The following WDR18 variants were observed in gnomAD, a reference collection of about 807,000 sequenced individuals.
WDR18 encodes WD repeat domain 18.
In WDR18, 33 loss-of-function variants were observed where a neutral mutation model predicts 49.6. The ratio of observed to expected loss-of-function variants is 0.67; its 90% CI spans 0.50 to 0.89. The LOEUF (loss-of-function observed/expected upper bound fraction) is 0.89, where lower values mean the gene tolerates loss of function less well. WDR18 is among the 40% of genes least tolerant of loss of function. The probability of loss-of-function intolerance (pLI) is 0.00; values close to 1 mark genes in which losing one functional copy is unlikely to be tolerated. For missense variants in WDR18, 653 were observed against 593.6 expected (o/e 1.10, Z -1.04); for synonymous variants, 315 against 263.6 (o/e 1.19, Z -1.89).
At chr19:989,236 C>CA (rs1646654279) in intron 2 of WDR18, among the ~76,000 whole-genome samples, 1 of 151,318 alleles carries the variant, frequency 6.6e-6, no homozygotes, top group African/African-American at 2.4e-5. Context: ...CAACCCCCAC[C>CA]AGAGCATCTC....
chr19:990,874 A>C lies in WDR18; in HGVS notation c.620A>C (p.Glu207Ala), dbSNP rs2080667014. Residue 207 changes from glutamate (E) to alanine (A), a missense_variant, in exon 5 of 10, where the codon GAG (glutamate) becomes GCG (alanine). Glu to Ala is a moderately radical substitution (Grantham distance 107, BLOSUM62 -1). Coordinates refer to ENST00000585809, the MANE Select transcript of WDR18 (RefSeq NM_024100.4). Reference sequence around the variant, plus strand: ...CAGCTATGGGAGGTCTCCTCGGGGGAGCTGCTGCTCTCCGTCCTCTTTGAC... The same window carrying C: ...CAGCTATGGGAGGTCTCCTCGGGGGCGCTGCTGCTCTCCGTCCTCTTTGAC... ...TVKLWEVSSG[E>A]LLLSVLFDVS... 6.2e-7 allele frequency: 1 copy of C among 1,610,642 alleles called. No individual in the cohort carries two copies. Among genetic ancestry groups the C allele is most frequent in the African/African-American group, 1.3e-5 (1 of 74,856 alleles).
intron 2 of WDR18, 21 bp downstream of exon 2, chr19:985,996 G>C: frequency 6.2e-7 from 1 of 1,610,408 alleles, no homozygotes; most frequent in Non-Finnish European, 8.5e-7. Context: ...CAAAGCGTGA[G>C]CGTTTCCCAC....
chr19:985,445 C>G (rs924495587), intron 1 of WDR18, among the ~76,000 whole-genome samples: 1 of 152,226 alleles, frequency 6.6e-6, no homozygotes, highest in Admixed American at 6.5e-5. Flanking sequence ...GCTGGGATTA[C>G]AGCCGTGAGC....
At position 991,008 on chromosome 19, in the gene WDR18, G is replaced by A; in HGVS notation, c.741+13G>A. The stretch of plus-strand genomic sequence containing the variant: ...CCTCTTCACCTGGGTGAGTGCCGCG[G>A]TCTGCGGGCTGCACCCTGCCCTGGG... On this transcript the variant is annotated intron_variant, in intron 5 of 9. Coordinates refer to ENST00000585809, the MANE Select transcript of WDR18 (RefSeq NM_024100.4). 6.2e-7 allele frequency: 1 copy of A among 1,604,164 alleles called. No homozygotes were observed. Among genetic ancestry groups the A allele is most frequent in the South Asian group, 1.1e-5 (1 of 89,828 alleles).
Position 994,517 on chromosome 19 carries a change from AGTG to A in WDR18, c.*177_*179del, listed in dbSNP as rs1205468146. On this transcript the variant is annotated 3_prime_UTR_variant, in exon 10 of 10. Transcript: ENST00000585809. ...CTTGGTGTCTCGTGGCACGCGTCAC[AGTG>A]GTGCTAGTCTGTTTTTAACAAAAGA... 2 of 899,756 alleles carry A rather than the reference AGTG, an allele frequency of 2.2e-6. No homozygotes were observed. The highest frequency in any genetic ancestry group is 5.4e-5 in the East Asian group (2 of 37,086). 55.7% of individuals were successfully genotyped at this position (899,756 alleles called of 1,614,324 possible). A position where few individuals can be genotyped will look rare whatever the true frequency, so the allele number is the denominator to read the frequency against.
In WDR18 at chr19:992,135, C is replaced by T; in HGVS notation, c.1098+14C>T. 1 of 1,447,518 alleles carries T rather than the reference C, an allele frequency of 6.9e-7. No individual in the cohort carries two copies. Among genetic ancestry groups the T allele is most frequent in the Non-Finnish European group, 9.0e-7 (1 of 1,107,342 alleles). 89.7% of individuals were successfully genotyped at this position (1,447,518 alleles called of 1,614,324 possible). A position where few individuals can be genotyped will look rare whatever the true frequency, so the allele number is the denominator to read the frequency against. On this transcript the variant is annotated intron_variant, in intron 8 of 9. Coordinates refer to ENST00000585809, the MANE Select transcript of WDR18 (RefSeq NM_024100.4). ...CTCCACCAGCAGGTACGGCCCCCAG[C>T]AGGGAACCCCCACTGCCCTTTTGTC...
At position 985,939 on chromosome 19, in the gene WDR18, C is replaced by A; in HGVS notation, c.285C>A (p.Val95=). The change falls in exon 2 of 10, where the codon GTC becomes GTA. Residue 95 remains valine (V), a synonymous_variant. Transcript: ENST00000585809. ...CTGCATCACCCAATGGTCTCTACGTCCTGGCAGGAGTTGCAGAAAGCATCC... is the reference window on the plus strand; with the variant it reads ...CTGCATCACCCAATGGTCTCTACGTACTGGCAGGAGTTGCAGAAAGCATCC... ...CLTASPNGLY[V]LAGVAESIHL... The A allele has an allele frequency of 1.2e-6, 2 of 1,613,874 alleles. No individual in the cohort carries two copies. Among genetic ancestry groups the A allele is most frequent in the Middle Eastern group, 1.7e-4 (1 of 6,060 alleles).
At chr19:988,151 G>T (rs983681545) in intron 2 of WDR18, among the ~76,000 whole-genome samples, 12 of 46,316 alleles carry the variant, frequency 2.6e-4, no homozygotes, top group African/African-American at 6.7e-4. Context: ...TTTCTGACCC[G>T]TGAGCTGTGA....
intron 1 of WDR18, among the ~76,000 whole-genome samples, chr19:985,302 A>C (rs901367346): frequency 4.6e-5 from 7 of 152,128 alleles, no homozygotes; most frequent in Non-Finnish European, 1.0e-4. Flanking sequence ...AGTAGCTGCA[A>C]CTACAGGCCC....
Position 994,229 on chromosome 19 carries a change from A to G in WDR18, c.1184A>G (p.Gln395Arg), listed in dbSNP as rs1185371893. The G allele has an allele frequency of 5.6e-6, 9 of 1,605,490 alleles. No individual in the cohort carries two copies. Among genetic ancestry groups the G allele is most frequent in the Non-Finnish European group, 7.6e-6 (9 of 1,177,742 alleles). Residue 395 changes from glutamine to arginine, a missense_variant, in exon 10 of 10, where the codon CAG becomes CGG. Transcript: ENST00000585809. ...CTCCCGCAGAGCGTGCTCGGCGGCC[A>G]GGACCAGCTGCGCGTCCGTGTGACG... ...STMEKSVLGGQDQLRVRVTEL... is the reference protein window; with the variant it reads ...STMEKSVLGGRDQLRVRVTEL...
Position 984,771 on chromosome 19 carries a change from T to C in WDR18, c.210+208T>C, listed in dbSNP as rs529506147. On this transcript the variant is annotated intron_variant, in intron 1 of 9. Transcript: ENST00000585809. ...AGGCCGCTCTGCGCACGCGCGGGGCTCAGGCCTGAGCTGCTATGGGGGCAG... is the reference window on the plus strand; with the variant it reads ...AGGCCGCTCTGCGCACGCGCGGGGCCCAGGCCTGAGCTGCTATGGGGGCAG... 2.8e-3 allele frequency among the ~76,000 whole-genome samples: 411 copies of C among 144,638 alleles called. 6 individuals carry two copies. The highest frequency in any genetic ancestry group is 0.01 in the African/African-American group (393 of 38,198). The allele number at this position is 144,638 out of a possible 152,430, so 94.9% of individuals were successfully genotyped here. A position where few individuals can be genotyped will look rare whatever the true frequency, so the allele number is the denominator to read the frequency against.
intron 1 of WDR18, 23 bp from the exon 2 acceptor site, chr19:985,842 C>G (rs555535531): frequency 2.5e-6 from 4 of 1,612,246 alleles, no homozygotes; most frequent in Admixed American, 3.3e-5. Context: ...ATGGGGCTCA[C>G]GAGGCTGACT....
chr19:993,275 T>G (rs1416181240), intron 8 of WDR18, among the ~76,000 whole-genome samples: 1 of 152,208 alleles, frequency 6.6e-6, no homozygotes, highest in East Asian at 1.9e-4. Flanking sequence ...TGCCTCCTCC[T>G]AGGGCAGCAG....
chr19:985,765 G>A, intron 1 of WDR18, 100 bp from the exon 2 acceptor site: 1 of 1,083,122 alleles, frequency 9.2e-7, no homozygotes, highest in Non-Finnish European at 1.4e-6. Flanking sequence ...CTGGTTCTCT[G>A]ACTTAGCCAT....
chr19:984,474 C>T lies in WDR18; in HGVS notation c.121C>T (p.Pro41Ser), dbSNP rs1007384406. 2 of 1,581,454 alleles carry T rather than the reference C, an allele frequency of 1.3e-6. No individual in the cohort carries two copies. Among genetic ancestry groups the T allele is most frequent in the African/African-American group, 1.4e-5 (1 of 73,166 alleles). The change falls in exon 1 of 10, where the codon CCC becomes TCC. Residue 41 changes from proline (P) to serine (S), a missense_variant. By Grantham distance (74) the Pro-to-Ser change is moderately conservative. Coordinates refer to ENST00000585809, the MANE Select transcript of WDR18 (RefSeq NM_024100.4). Reference sequence around the variant, plus strand: ...CACCTACCGCGGCGGCCAGGCGGGACCCCGCGGCCTGGCGCTGCTCAATGG... The same window carrying T: ...CACCTACCGCGGCGGCCAGGCGGGATCCCGCGGCCTGGCGCTGCTCAATGG... ...LLTYRGGQAG[P>S]RGLALLNGEY...
At chr19:991,048 G>A (rs1418955405) in intron 5 of WDR18, 33 bp from the exon 6 acceptor site, 1 of 1,600,856 alleles carries the variant, frequency 6.2e-7, no homozygotes, top group East Asian at 2.2e-5. Flanking sequence ...AGGGCATCGG[G>A]CCTGCGGCTC....
In WDR18 at chr19:990,349, G is replaced by A; in HGVS notation, c.582G>A (p.Leu194=). Residue 194 remains leucine (L), a synonymous_variant, in exon 4 of 10, where the codon CTG becomes CTA. Coordinates refer to ENST00000585809, the MANE Select transcript of WDR18 (RefSeq NM_024100.4). The part of the protein sequence containing the change: ...GPLARVATSS[L]DQTVKLWEVS... ...TGGCCCGGGTGGCCACCTCCTCACT[G>A]GACCAGACGGTGAAGGTACGCCGCC... 1 of 1,577,650 alleles carries A rather than the reference G, an allele frequency of 6.3e-7. No homozygotes were observed. The highest frequency in any genetic ancestry group is 8.6e-7 in the Non-Finnish European group (1 of 1,169,452).
At chr19:989,675 T>G in intron 2 of WDR18, 87 bp from the exon 3 acceptor site, 1 of 1,562,938 alleles carries the variant, frequency 6.4e-7, no homozygotes. Context: ...GCCATGGCCG[T>G]GCAGTGGTGG....
Position 984,496 on chromosome 19 carries a change from A to G in WDR18, c.143A>G (p.Asn48Ser), listed in dbSNP as rs908541346. Reference protein sequence around the residue: ...QAGPRGLALLNGEYLLAAQLG... With the variant: ...QAGPRGLALLSGEYLLAAQLG... ...GGACCCCGCGGCCTGGCGCTGCTCA[A>G]TGGCGAGTATCTGCTGGCGGCGCAG... Residue 48 changes from asparagine (N) to serine (S), a missense_variant, in exon 1 of 10, where the codon AAT becomes AGT. Transcript: ENST00000585809. 5.8e-6 allele frequency: 9 copies of G among 1,559,608 alleles called. No individual in the cohort carries two copies. Among genetic ancestry groups the G allele is most frequent in the South Asian group, 1.2e-5 (1 of 84,306 alleles).
Sources: allele counts gnomAD v4.1 joint callset (sites outside exome capture counted in the v4.1 genomes callset), GRCh38; gene constraint gnomAD v4.1.1; transcripts MANE v1.5; gene names NCBI Gene and HGNC (gene_info 2026-07-23, HGNC 2026-07-21).